Variants in ZNF254 observed in about 807,000 individuals in gnomAD.
ZNF254 encodes zinc finger protein 254, also known as CTD-2017D11.1.
In ZNF254, 10 loss-of-function variants were observed where a neutral mutation model predicts 12.4. That is an observed-to-expected ratio of 0.80 (90% CI 0.50 to 1.36). ZNF254 has a LOEUF of 1.36. Ranked by LOEUF, ZNF254 falls within the 40% of genes most tolerant of loss-of-function variation. ZNF254 has a pLI of 0.00. For synonymous variants in ZNF254, 305 were observed against 253.4 expected, an observed-to-expected ratio of 1.20 and a Z score of -1.93; for missense variants, 996 against 763.9, an observed-to-expected ratio of 1.30 and a Z score of -3.58.
chr19:24,110,018 C>T (rs200608154), intron 3 of ZNF254, among the ~76,000 whole-genome samples: 3 of 152,028 alleles, frequency 2.0e-5, no homozygotes, highest in East Asian at 3.9e-4. Flanking sequence ...CATGAGCCAC[C>T]GTACCCGGCC....
At chr19:24,111,233 A>G (rs1337032190) in intron 3 of ZNF254, among the ~76,000 whole-genome samples, 2 of 151,742 alleles carry the variant, frequency 1.3e-5, no homozygotes, top group Non-Finnish European at 2.9e-5. Flanking sequence ...ATAGTTTACT[A>G]AGAATGATGA....
At chr19:24,076,384 A>G (rs901837021) in intron 2 of ZNF254, among the ~76,000 whole-genome samples, 2 of 152,206 alleles carry the variant, frequency 1.3e-5, no homozygotes, top group African/African-American at 4.8e-5. Context: ...GACTTCCTGC[A>G]ACATATCTCT....
At chr19:24,121,564 ATT>A (rs996562581) in intron 3 of ZNF254, among the ~76,000 whole-genome samples, 2 of 150,300 alleles carry the variant, frequency 1.3e-5, no homozygotes, top group Non-Finnish European at 3.0e-5. Flanking sequence ...TCTTTTTTAA[ATT>A]TTTTTTTTGA....
At chr19:24,107,142 CCTT>C (rs1418545849) in intron 3 of ZNF254, 8 of 557,158 alleles carry the variant, frequency 1.4e-5, no homozygotes, top group Admixed American at 3.5e-5. Context: ...AGTAGGATGT[CCTT>C]CTGCTTTGTT....
intron 1 of ZNF254, among the ~76,000 whole-genome samples, chr19:24,033,801 C>T (rs1349370447): frequency 6.6e-6 from 1 of 152,190 alleles, no homozygotes; most frequent in Non-Finnish European, 1.5e-5. Context: ...CGTTCAGCCC[C>T]GTCCCTGCGG....
intron 1 of ZNF254, among the ~76,000 whole-genome samples, chr19:24,042,084 C>G: frequency 8.3e-6 from 1 of 120,834 alleles, no homozygotes; most frequent in Non-Finnish European, 1.8e-5. Context: ...AATCGGCACT[C>G]TGTATCTAGC....
In ZNF254 at chr19:24,126,614, A is replaced by G. The variant is rs756212232; in HGVS notation, c.614A>G (p.His205Arg). 1.4e-5 allele frequency: 22 copies of G among 1,607,720 alleles called. 2 individuals are homozygous for G. The South Asian group carries it at 1.8e-4, about 13-fold the overall frequency. ...SHKTQHKSIYHREKSYKCKEC... is the reference protein window; with the variant it reads ...SHKTQHKSIYRREKSYKCKEC... The stretch of plus-strand genomic sequence containing the variant: ...AAAACCCAACACAAAAGCATTTATC[A>G]TAGAGAGAAGTCCTACAAATGTAAA... Residue 205 changes from histidine to arginine, a missense_variant, in exon 4 of 4, where the codon CAT becomes CGT. By Grantham distance (29) the His-to-Arg change is conservative. Coordinates refer to ENST00000357002, the MANE Select transcript of ZNF254 (RefSeq NM_203282.4).
intron 2 of ZNF254, among the ~76,000 whole-genome samples, chr19:24,077,935 TA>T (rs910063978): frequency 6.6e-6 from 1 of 151,262 alleles, no homozygotes; most frequent in East Asian, 1.9e-4. Context: ...GAGGTGAAAA[TA>T]AAAAAAAAGA....
intron 2 of ZNF254, among the ~76,000 whole-genome samples, chr19:24,080,942 T>G (rs531968690): frequency 6.6e-6 from 1 of 151,628 alleles, no homozygotes; most frequent in Non-Finnish European, 1.5e-5. Flanking sequence ...CTGGGCGTGG[T>G]GGCACATGCT....
chr19:24,127,123 G>A lies in ZNF254; in HGVS notation c.1123G>A (p.Glu375Lys). The part of the protein sequence containing the change: ...LTTHKIIHTG[E>K]KRYKCLECGK... Reference sequence around the variant, plus strand: ...TACACATAAGATAATTCATACTGGAGAGAAACGCTACAAATGCTTAGAATG... The same window carrying A: ...TACACATAAGATAATTCATACTGGAAAGAAACGCTACAAATGCTTAGAATG... Residue 375 changes from glutamate to lysine, a missense_variant, in exon 4 of 4, where the codon GAG becomes AAG. Glu to Lys is a moderately conservative substitution (Grantham distance 56, BLOSUM62 1). Transcript: ENST00000357002. The A allele has an allele frequency of 6.2e-7, 1 of 1,613,476 alleles. No individual in the cohort carries two copies.
At chr19:24,092,615 A>C (rs548708892) in intron 1 of ZNF254, among the ~76,000 whole-genome samples, 1 of 152,032 alleles carries the variant, frequency 6.6e-6, no homozygotes, top group East Asian at 2.0e-4. Context: ...TCCTGAGCTC[A>C]GGCAATCCAC....
rs995458901 is a variant in ZNF254, at chr19:24,087,226, T to C, written c.-82T>C. On this transcript the variant is annotated 5_prime_UTR_variant, in exon 1 of 4. Transcript: ENST00000357002. The stretch of plus-strand genomic sequence containing the variant: ...CTGTCGCCGGAGTCCCAGGTCTGTC[T>C]TCACTGCTCTGTGTCCTCTGCTCCT... The C allele has an allele frequency of 3.1e-6, 5 of 1,595,566 alleles. No individual in the cohort carries two copies. The Admixed American group carries it at 5.0e-5, about 16-fold the overall frequency.
intron 3 of ZNF254, among the ~76,000 whole-genome samples, chr19:24,123,610 G>A (rs771735219): frequency 7.2e-5 from 11 of 151,852 alleles, no homozygotes; most frequent in African/African-American, 1.5e-4. Context: ...ACACACCTGC[G>A]TGCGTGCACA....
chr19:24,052,277 G>C (rs2145319819), intron 2 of ZNF254, among the ~76,000 whole-genome samples: 1 of 152,290 alleles, frequency 6.6e-6, no homozygotes, highest in South Asian at 2.1e-4. Context: ...TTATGGCAGG[G>C]GAACCACCCA....
intron 3 of ZNF254, 174 bp downstream of exon 3, chr19:24,106,817 A>G: frequency 4.5e-6 from 2 of 447,928 alleles, no homozygotes; most frequent in Non-Finnish European, 7.9e-6. Context: ...TTATGCCTAT[A>G]AAATCTAAGA....
At chr19:24,047,467 C>G (rs542861695) in intron 2 of ZNF254, among the ~76,000 whole-genome samples, 4 of 151,752 alleles carry the variant, frequency 2.6e-5, no homozygotes, top group African/African-American at 9.7e-5. Context: ...CGAGGCCTCG[C>G]TATGTTCCCA....
At chr19:24,061,448 C>A (rs548108915) in intron 2 of ZNF254, among the ~76,000 whole-genome samples, 2 of 152,072 alleles carry the variant, frequency 1.3e-5, no homozygotes, top group Non-Finnish European at 2.9e-5. Flanking sequence ...GCCTTTTCTA[C>A]CTGCACCCTC....
At chr19:24,061,516 C>T (rs1476329631) in intron 2 of ZNF254, among the ~76,000 whole-genome samples, 1 of 152,214 alleles carries the variant, frequency 6.6e-6, no homozygotes, top group Admixed American at 6.5e-5. Flanking sequence ...TATGTCTCTC[C>T]TGCATGTGCA....
intron 2 of ZNF254, among the ~76,000 whole-genome samples, chr19:24,061,809 T>C (rs1599620347): frequency 1.3e-5 from 2 of 151,872 alleles, no homozygotes; most frequent in African/African-American, 2.4e-5. Context: ...CCTGGCTGGG[T>C]GTGGCGGCTC....
Sources: allele counts gnomAD v4.1 joint callset (sites outside exome capture counted in the v4.1 genomes callset), GRCh38; gene constraint gnomAD v4.1.1; transcripts MANE v1.5; gene names NCBI Gene and HGNC (gene_info 2026-07-23, HGNC 2026-07-21).